IGFL2: variants seen among roughly 807,000 people sequenced by gnomAD.
The protein encoded by IGFL2 is IGF like family member 2.
In IGFL2, 7 loss-of-function variants were observed where a neutral mutation model predicts 13.9. That is an observed-to-expected ratio of 0.51 (90% CI 0.29 to 0.95). The LOEUF is 0.95. Among genes scored for constraint, IGFL2 ranks in the 40% least tolerant of loss-of-function variants. IGFL2 has a pLI of 0.08. For missense variants in IGFL2, 138 were observed against 147.8 expected (o/e 0.93, Z 0.34); for synonymous variants, 55 against 55.8 (o/e 0.99, Z 0.07).
At chr19:46,153,835 A>ATTTT (rs200732135) in intron 1 of IGFL2, among the ~76,000 whole-genome samples, 2 of 144,796 alleles carry the variant, frequency 1.4e-5, no homozygotes, top group Non-Finnish European at 3.0e-5. Context: ...ATATATATAT[A>ATTTT]TATATTTTTT....
Position 46,160,746 on chromosome 19 carries a change from C to G in IGFL2, c.206C>G (p.Pro69Arg), listed in dbSNP as rs770745427. Residue 69 changes from proline (P) to arginine (R), a missense_variant, in exon 3 of 4, where the codon CCC (proline) becomes CGC (arginine). Coordinates refer to ENST00000377693, the MANE Select transcript of IGFL2 (RefSeq NM_001135113.2). ...SLSETRQCGPPCTFWPCFELC... is the reference protein window; with the variant it reads ...SLSETRQCGPRCTFWPCFELC... ...AGCGAGACCCGCCAATGTGGTCCCC[C>G]CTGCACCTTCTGGCCCTGCTTTGAG... 1.2e-6 allele frequency: 2 copies of G among 1,614,066 alleles called. No individual in the cohort carries two copies. The highest frequency in any genetic ancestry group is 1.7e-6 in the Non-Finnish European group (2 of 1,180,036).
intron 1 of IGFL2, 177 bp from the exon 2 acceptor site, chr19:46,160,237 GC>G (rs1974076326): frequency 1.6e-6 from 1 of 619,084 alleles, no homozygotes; most frequent in East Asian, 2.7e-5. Context: ...TGCTTCTCTG[GC>G]CCTGCTGTCT....
intron 1 of IGFL2, among the ~76,000 whole-genome samples, chr19:46,157,542 C>A (rs533279619): frequency 6.6e-6 from 1 of 152,148 alleles, no homozygotes; most frequent in Non-Finnish European, 1.5e-5. Context: ...ATGATCACAT[C>A]AATTGATGCT....
chr19:46,158,723 C>A (rs886125129), intron 1 of IGFL2, among the ~76,000 whole-genome samples: 2 of 152,210 alleles, frequency 1.3e-5, no homozygotes, highest in Non-Finnish European at 2.9e-5. Context: ...GATTCTTGAT[C>A]TTCTTAGGCT....
intron 1 of IGFL2, among the ~76,000 whole-genome samples, chr19:46,158,356 G>A (rs909055170): frequency 2.6e-5 from 4 of 151,908 alleles, no homozygotes; most frequent in Non-Finnish European, 5.9e-5. Flanking sequence ...TTACAGGTGC[G>A]CACTACCATG....
the IGFL2 span, among the ~76,000 whole-genome samples, chr19:46,114,207 A>G: frequency 6.6e-6 from 1 of 152,216 alleles, no homozygotes; most frequent in African/African-American, 2.4e-5. Context: ...GCAACGTAGG[A>G]AAGCCAAATA....
At chr19:46,124,458 C>T in the IGFL2 span, 8 of 1,162,342 alleles carry the variant, frequency 6.9e-6, no homozygotes, top group East Asian at 9.7e-5. Context: ...GTATGGGATC[C>T]CGTTCAGGCA....
the IGFL2 span, among the ~76,000 whole-genome samples, chr19:46,084,370 G>C: frequency 6.6e-6 from 1 of 152,150 alleles, no homozygotes; most frequent in Non-Finnish European, 1.5e-5. Flanking sequence ...TGGTTGATCT[G>C]TCCATTGCTG....
At chr19:46,120,888 A>G in the IGFL2 span, among the ~76,000 whole-genome samples, 4 of 151,102 alleles carry the variant, frequency 2.6e-5, no homozygotes, top group Non-Finnish European at 1.5e-5. Flanking sequence ...ATTATTCCAC[A>G]TTGAATTCAT....
chr19:46,185,010 A>C, the IGFL2 span, among the ~76,000 whole-genome samples: 3 of 152,060 alleles, frequency 2.0e-5, no homozygotes, highest in Non-Finnish European at 4.4e-5. Context: ...GATGATGAGC[A>C]TTTTTCCATG....
chr19:46,129,311 G>T, the IGFL2 span, among the ~76,000 whole-genome samples: 7 of 66,914 alleles, frequency 1.0e-4, no homozygotes, highest in African/African-American at 3.4e-4. Flanking sequence ...GATCTTTTGT[G>T]TGTGTGTGTG....
At chr19:46,176,009 A>ATT in the IGFL2 span, among the ~76,000 whole-genome samples, 28,943 of 71,622 alleles carry the variant, frequency 0.4, 7,639 homozygotes, top group Non-Finnish European at 0.49. Flanking sequence ...CGCCCGACTA[A>ATT]TTTTTTTTTT....
the IGFL2 span, chr19:46,208,721 C>T: frequency 1.3e-5 from 2 of 152,030 alleles, no homozygotes; most frequent in Admixed American, 1.3e-4. Flanking sequence ...TGTAGAAGTT[C>T]CCGGCTCGCT....
At chr19:46,182,937 C>T in the IGFL2 span, among the ~76,000 whole-genome samples, 3 of 152,242 alleles carry the variant, frequency 2.0e-5, no homozygotes, top group South Asian at 4.2e-4. Flanking sequence ...CTCCCTTTCT[C>T]CTCATACTCT....
the IGFL2 span, among the ~76,000 whole-genome samples, chr19:46,168,899 A>AGTGTGT: frequency 4.1e-4 from 57 of 140,634 alleles, no homozygotes; most frequent in Admixed American, 9.2e-4. Flanking sequence ...CAGTAGATTG[A>AGTGTGT]GTGTGTGTGT....
chr19:46,138,698 CT>C (rs935458453), upstream of IGFL2, among the ~76,000 whole-genome samples: 1 of 152,156 alleles, frequency 6.6e-6, no homozygotes, highest in African/African-American at 2.4e-5. Context: ...GCAGTGGCCC[CT>C]GGGAAGCACC....
At chr19:46,128,103 G>T in the IGFL2 span, among the ~76,000 whole-genome samples, 1 of 152,058 alleles carries the variant, frequency 6.6e-6, no homozygotes, top group African/African-American at 2.4e-5. Flanking sequence ...AATGGGAATT[G>T]CAGTCCTGAT....
chr19:46,214,765 A>G, the IGFL2 span: 1 of 152,252 alleles, frequency 6.6e-6, no homozygotes, highest in East Asian at 1.9e-4. Flanking sequence ...GGTATCCAAT[A>G]AACAAGAAAG....
the IGFL2 span, among the ~76,000 whole-genome samples, chr19:46,167,652 A>G: frequency 0.42 from 64,025 of 152,086 alleles, 15,739 homozygotes; most frequent in Non-Finnish European, 0.57. Context: ...GTCTTCCCCA[A>G]AATTTGTATG....
Sources: allele counts gnomAD v4.1 joint callset (sites outside exome capture counted in the v4.1 genomes callset), GRCh38; gene constraint gnomAD v4.1.1; transcripts MANE v1.5; gene names NCBI Gene and HGNC (gene_info 2026-07-23, HGNC 2026-07-21).